The following RIN2 variants were observed in gnomAD, a reference collection of about 807,000 sequenced individuals.
The protein encoded by RIN2 is RAB5 interacting protein 2.
Under a neutral mutation model 78.0 loss-of-function variants are expected in RIN2, and 36 were observed. The ratio of observed to expected loss-of-function variants is 0.46; its 90% CI spans 0.35 to 0.61. RIN2 has a LOEUF of 0.61. RIN2 is among the 20% of genes least tolerant of loss of function. RIN2 has a pLI of 0.00. For missense variants in RIN2, 1,087 were observed against 1,159.7 expected, an observed-to-expected ratio of 0.94 and a Z score of 0.91; for synonymous variants, 466 against 466.8, an observed-to-expected ratio of 1.00 and a Z score of 0.02.
intron 2 of RIN2, among the ~76,000 whole-genome samples, chr20:19,816,859 A>T (rs1376634769): frequency 6.6e-6 from 1 of 152,230 alleles, no homozygotes; most frequent in African/African-American, 2.4e-5. Flanking sequence ...TTTCAGGATG[A>T]ATAAGAGAAA....
intron 2 of RIN2, among the ~76,000 whole-genome samples, chr20:19,879,700 G>A (rs1180043198): frequency 6.6e-6 from 1 of 152,184 alleles, no homozygotes; most frequent in Non-Finnish European, 1.5e-5. Flanking sequence ...TTCATTGTGT[G>A]ATCTTCAATG....
intron 1 of RIN2, among the ~76,000 whole-genome samples, chr20:19,788,838 C>G (rs939005993): frequency 6.6e-6 from 1 of 152,124 alleles, no homozygotes; most frequent in East Asian, 1.9e-4. Context: ...TCATTTATCC[C>G]CAAAGTGATC....
At chr20:19,786,644 C>T (rs1023014124) in intron 1 of RIN2, among the ~76,000 whole-genome samples, 10 of 152,092 alleles carry the variant, frequency 6.6e-5, no homozygotes, top group African/African-American at 9.7e-5. Context: ...CTGAGTCTTG[C>T]GGTGACTAGT....
intron 2 of RIN2, among the ~76,000 whole-genome samples, chr20:19,811,468 C>T (rs1461456765): frequency 6.6e-6 from 1 of 152,140 alleles, no homozygotes; most frequent in Non-Finnish European, 1.5e-5. Context: ...AGAGAGACTT[C>T]AGGAAGAGAC....
chr20:19,954,554 C>T (rs1026168209), intron 4 of RIN2, among the ~76,000 whole-genome samples: 2 of 152,274 alleles, frequency 1.3e-5, no homozygotes, highest in African/African-American at 4.8e-5. Flanking sequence ...TGAGCAAGAT[C>T]CTGACCTGAG....
chr20:19,898,780 T>TAA (rs2038852342), intron 3 of RIN2, among the ~76,000 whole-genome samples: 2 of 152,334 alleles, frequency 1.3e-5, no homozygotes, highest in Middle Eastern at 3.4e-3. Context: ...ATAAACTTGT[T>TAA]AAATCACGTG....
chr20:19,886,501 C>T (rs2038196074), intron 2 of RIN2: 5 of 553,540 alleles, frequency 9.0e-6, no homozygotes, highest in African/African-American at 3.8e-5. Context: ...CCGACCAACG[C>T]GACCAGCTCC....
At chr20:19,869,819 T>TTGATTG (rs2037631333) in intron 2 of RIN2, among the ~76,000 whole-genome samples, 1 of 149,076 alleles carries the variant, frequency 6.7e-6, no homozygotes, top group African/African-American at 2.5e-5. Flanking sequence ...TTTATTTATT[T>TTGATTG]ATTTATTTAT....
intron 2 of RIN2, chr20:19,886,382 C>T (rs1018034638): frequency 1.0e-5 from 3 of 296,752 alleles, no homozygotes; most frequent in East Asian, 1.1e-4. Flanking sequence ...CCACAGCAGT[C>T]GCTCTTGGGG....
chr20:19,954,698 GTGCCCCTCACC>G (rs1388966341), intron 4 of RIN2, among the ~76,000 whole-genome samples: 17 of 56,566 alleles, frequency 3.0e-4, no homozygotes, highest in African/African-American at 9.4e-4. Context: ...AAACTGCCCT[GTGCCCCTCACC>G]CCTGTGTCCC....
rs554488811 is a variant in RIN2 at position 19,869,277 on chromosome 20, C to T, written c.-36-20289C>T. Among the ~76,000 whole-genome samples, 5 of 152,220 alleles carry T rather than the reference C, an allele frequency of 3.3e-5. No individual in the cohort carries two copies. The South Asian group carries it at 6.2e-4, about 19-fold the overall frequency. On this transcript the variant is annotated intron_variant, in intron 2 of 12. Coordinates refer to ENST00000255006, the MANE Select transcript of RIN2 (RefSeq NM_018993.4). ...AGAGTTTGGACTGATGTCAGGGCCA[C>T]CTTGATTAGATTTTGTGTTTTAGGC...
intron 1 of RIN2, among the ~76,000 whole-genome samples, chr20:19,799,090 G>C (rs2035163344): frequency 6.6e-6 from 1 of 151,890 alleles, no homozygotes; most frequent in Admixed American, 6.6e-5. Flanking sequence ...TGGTAGAGAC[G>C]GGATTTCACC....
At chr20:19,924,967 G>A (rs1027766007) in intron 3 of RIN2, among the ~76,000 whole-genome samples, 3 of 150,812 alleles carry the variant, frequency 2.0e-5, no homozygotes, top group African/African-American at 4.9e-5. Context: ...TCAAACTCCC[G>A]ACCTCAGGTG....
intron 9 of RIN2, among the ~76,000 whole-genome samples, chr20:19,977,259 C>G (rs1174958881): frequency 6.6e-6 from 1 of 152,144 alleles, no homozygotes; most frequent in East Asian, 1.9e-4. Flanking sequence ...GCCAACCAGC[C>G]CACAGTGCCT....
chr20:19,788,207 G>T lies in RIN2; in HGVS notation c.-162-11415G>T, dbSNP rs1352257866. Among the ~76,000 whole-genome samples, 3 of 152,146 alleles carry T rather than the reference G, an allele frequency of 2.0e-5. No homozygotes were observed. In the East Asian group the frequency reaches 5.8e-4, roughly 29 times the overall value. On this transcript the variant is annotated intron_variant, in intron 1 of 12. Coordinates refer to ENST00000255006, the MANE Select transcript of RIN2 (RefSeq NM_018993.4). ...CACTCTTATTCACTGTCACCTTATA[G>T]CATCTATCACTCTGTCATCTGTATT...
At chr20:19,994,347 T>A (rs2146405677) in intron 11 of RIN2, among the ~76,000 whole-genome samples, 1 of 152,332 alleles carries the variant, frequency 6.6e-6, no homozygotes, top group East Asian at 1.9e-4. Flanking sequence ...GACTTTTCCG[T>A]GCCTGCCCAA....
chr20:19,956,031 C>T (rs567926776), intron 4 of RIN2, among the ~76,000 whole-genome samples: 2 of 151,940 alleles, frequency 1.3e-5, no homozygotes, highest in Admixed American at 6.6e-5. Context: ...CCGAGGTAGG[C>T]GGATCACCTG....
chr20:19,936,415 A>G (rs1255317555), intron 4 of RIN2, among the ~76,000 whole-genome samples: 1 of 57,068 alleles, frequency 1.8e-5, no homozygotes, highest in Non-Finnish European at 8.6e-5. Flanking sequence ...TAGCCAGGGA[A>G]TTTCTCTATC....
At chr20:19,976,241 G>T (rs2042275335) in intron 9 of RIN2, among the ~76,000 whole-genome samples, 3 of 151,998 alleles carry the variant, frequency 2.0e-5, no homozygotes, top group African/African-American at 7.2e-5. Flanking sequence ...CAAAACTCAC[G>T]TATGCATTGG....
Sources: allele counts gnomAD v4.1 joint callset (sites outside exome capture counted in the v4.1 genomes callset), GRCh38; gene constraint gnomAD v4.1.1; transcripts MANE v1.5; gene names NCBI Gene and HGNC (gene_info 2026-07-23, HGNC 2026-07-21).